The following DMD variants were observed in gnomAD, a reference collection of about 807,000 sequenced individuals.
DMD encodes dystrophin.
Under a neutral mutation model 330.1 loss-of-function variants are expected in DMD, and 63 were observed. That is an observed-to-expected ratio of 0.19 (90% confidence interval 0.16 to 0.24). The LOEUF (loss-of-function observed/expected upper bound fraction) is 0.24, where lower values mean the gene tolerates loss of function less well. Among genes scored for constraint, DMD ranks in the 10% least tolerant of loss-of-function variants. The pLI is 1.00. For missense variants in DMD, 3,344 were observed against 2,684.1 expected (o/e 1.25, Z -5.43); for synonymous variants, 1,223 against 959.8 (o/e 1.27, Z -5.07).
chrX:31,803,385 T>G, intron 50 of DMD, among the ~76,000 whole-genome samples: 1 of 112,621 alleles, frequency 8.9e-6, no homozygotes, highest in South Asian at 3.7e-4. Flanking sequence ...GAAGCTTTTA[T>G]TTTCTTTTAC....
intron 2 of DMD, among the ~76,000 whole-genome samples, chrX:32,973,990 T>C (rs1346459493): frequency 9.0e-6 from 1 of 111,058 alleles, no homozygotes; most frequent in African/African-American, 3.3e-5. Context: ...ATTTGTGACA[T>C]ACAAAAAGTC....
chrX:31,649,214 T>C (rs1040314181), intron 54 of DMD, among the ~76,000 whole-genome samples: 2 of 111,746 alleles, frequency 1.8e-5, no homozygotes, highest in Admixed American at 1.9e-4. Flanking sequence ...AAGTTTTCGA[T>C]AATACTATTG....
At chrX:32,010,255 A>G (rs1008525529) in intron 44 of DMD, among the ~76,000 whole-genome samples, 2 of 112,004 alleles carry the variant, frequency 1.8e-5, no homozygotes, top group Admixed American at 9.5e-5. Context: ...TCTATTAAAT[A>G]CCATCTGGAT....
intron 11 of DMD, among the ~76,000 whole-genome samples, chrX:32,631,672 G>A (rs2058738635): frequency 9.0e-6 from 1 of 111,057 alleles, no homozygotes; most frequent in Non-Finnish European, 1.9e-5. Flanking sequence ...CATGTCACAC[G>A]GCCAGGGAAG....
intron 36 of DMD, among the ~76,000 whole-genome samples, chrX:32,364,064 T>G (rs1211338302): frequency 8.9e-6 from 1 of 112,089 alleles, no homozygotes; most frequent in Non-Finnish European, 1.9e-5. Flanking sequence ...CAGTCAGTTT[T>G]GAGACTAAAA....
chrX:32,595,837 T>A lies in DMD; in HGVS notation c.1522A>T (p.Asn508Tyr). 1 of 1,201,598 alleles carries A rather than the reference T, an allele frequency of 8.3e-7. No homozygotes were observed. The highest frequency in any genetic ancestry group is 1.1e-6 in the Non-Finnish European group (1 of 886,232). ...EDLEQEQVRV[N>Y]SLTHMVVVVD... ...ACCACCACCATGTGAGTGAGAGAAT[T>A]GACCCTGACTTGTTCTTGTTCTAGA... Residue 508 changes from asparagine to tyrosine, a missense_variant, in exon 13 of 79, where the codon AAT (asparagine) becomes TAT (tyrosine). Asn to Tyr is a moderately radical substitution (Grantham distance 143, BLOSUM62 -2). Transcript: ENST00000357033.
intron 12 of DMD, among the ~76,000 whole-genome samples, chrX:32,612,238 T>C (rs2057233653): frequency 9.0e-6 from 1 of 110,980 alleles, no homozygotes. Flanking sequence ...GATTTCTCTA[T>C]CAACTTTTAC....
intron 53 of DMD, among the ~76,000 whole-genome samples, chrX:31,670,943 C>T (rs942350530): frequency 6.5e-5 from 7 of 107,733 alleles, no homozygotes; most frequent in South Asian, 4.2e-4. Flanking sequence ...GACGGAGTCT[C>T]GCTCTTTCGC....
rs764976434 is a variant in DMD at position 31,626,415 on chromosome X, G to A, written c.8217+1258C>T. On this transcript the variant is annotated intron_variant, in intron 55 of 78. Transcript: ENST00000357033. The stretch of plus-strand genomic sequence containing the variant: ...GTGGTACATTGTCTAACCATACATC[G>A]AAGAGTGAGCAAAAAACTCTACATT... Among the ~76,000 whole-genome samples the A allele has an allele frequency of 7.2e-5, 8 of 111,734 alleles. No homozygotes were observed. The East Asian group carries it at 2.0e-3, about 27-fold the overall frequency.
intron 1 of DMD, among the ~76,000 whole-genome samples, chrX:33,228,391 A>C (rs543109938): frequency 9.2e-6 from 1 of 108,840 alleles, no homozygotes; most frequent in East Asian, 2.9e-4. Context: ...AGGTACATTT[A>C]AGGGTTTTCA....
At chrX:31,137,384 T>C (rs768984546) in intron 76 of DMD, among the ~76,000 whole-genome samples, 112 of 111,772 alleles carry the variant, frequency 1.0e-3, no homozygotes, top group African/African-American at 1.4e-3. Flanking sequence ...AATCAACTCA[T>C]TGAAAAATGC....
At chrX:32,127,313 A>C (rs1394381956) in intron 44 of DMD, among the ~76,000 whole-genome samples, 1 of 111,759 alleles carries the variant, frequency 8.9e-6, no homozygotes, top group Non-Finnish European at 1.9e-5. Context: ...AATTGTGAAC[A>C]TGTAGCTCTT....
chrX:31,497,030 A>C, intron 56 of DMD, 86 bp from the exon 57 acceptor site: 1 of 1,047,244 alleles, frequency 9.5e-7, no homozygotes, highest in Non-Finnish European at 1.3e-6. Context: ...AGTACAATAA[A>C]CCTATTGTGA....
intron 44 of DMD, among the ~76,000 whole-genome samples, chrX:32,036,682 G>C (rs1260811475): frequency 1.8e-5 from 2 of 111,393 alleles, no homozygotes; most frequent in Non-Finnish European, 3.8e-5. Context: ...TGGAATTATA[G>C]CTTAAGGGTC....
rs2059695679 is a variant in DMD, at chrX:32,645,022, G to A, written c.1091C>T (p.Ala364Val). ...WLLSAEDTLQ[A>V]QGEISNDVEV... ...CACATCATTAGAAATCTCTCCTTGTGCTTGCAATGTGTCCTCAGCAGAAAG... is the reference window on the plus strand; with the variant it reads ...CACATCATTAGAAATCTCTCCTTGTACTTGCAATGTGTCCTCAGCAGAAAG... The change falls in exon 10 of 79, where the codon GCA becomes GTA. Residue 364 changes from alanine (A) to valine (V), a missense_variant. Physicochemically the swap from Ala to Val is moderately conservative, Grantham distance 64 (BLOSUM62 0). Transcript: ENST00000357033. 8.3e-7 allele frequency: 1 copy of A among 1,209,695 alleles called. No homozygotes were observed. Among genetic ancestry groups the A allele is most frequent in the East Asian group, 3.0e-5 (1 of 33,760 alleles).
chrX:31,463,037 G>A (rs935661524), intron 59 of DMD, among the ~76,000 whole-genome samples: 2 of 111,957 alleles, frequency 1.8e-5, no homozygotes, highest in African/African-American at 6.5e-5. Flanking sequence ...ATTAAAACAT[G>A]ATGAATCCAT....
chrX:32,162,472 T>C (rs1603627429), intron 44 of DMD, among the ~76,000 whole-genome samples: 1 of 111,078 alleles, frequency 9.0e-6, no homozygotes, highest in African/African-American at 3.3e-5. Flanking sequence ...TTCAGAGACA[T>C]GCCTTTTCCA....
intron 62 of DMD, among the ~76,000 whole-genome samples, chrX:31,297,959 C>A (rs1161029242): frequency 8.9e-6 from 1 of 111,882 alleles, no homozygotes; most frequent in Non-Finnish European, 1.9e-5. Flanking sequence ...TCTATAGACT[C>A]ATTTATTATG....
At chrX:32,557,543 A>C (rs1160306208) in intron 16 of DMD, among the ~76,000 whole-genome samples, 1 of 111,589 alleles carries the variant, frequency 9.0e-6, no homozygotes, top group Non-Finnish European at 1.9e-5. Flanking sequence ...TGGAGTGATC[A>C]ATAAGTTTTA....
Sources: gnomAD v4.1 joint callset for allele counts (sites outside exome capture counted in the v4.1 genomes callset) on GRCh38, gnomAD v4.1.1 for gene constraint, MANE v1.5 for transcripts, NCBI Gene and HGNC (gene_info 2026-07-23, HGNC 2026-07-21) for gene names.